HEG1: variants seen among roughly 807,000 people sequenced by gnomAD.
The protein encoded by HEG1 is protein HEG homolog 1.
Under a neutral mutation model 125.6 loss-of-function variants are expected in HEG1, and 56 were observed. That is an observed-to-expected ratio of 0.45 (90% CI 0.36 to 0.56). The LOEUF is 0.56. Among genes scored for constraint, HEG1 ranks in the 20% least tolerant of loss-of-function variants. The pLI, the probability that HEG1 is intolerant of heterozygous loss-of-function variation, is 0.00. For synonymous variants in HEG1, 644 were observed against 668.5 expected, an observed-to-expected ratio of 0.96 and a Z score of 0.57; for missense variants, 1,523 against 1,670.0, an observed-to-expected ratio of 0.91 and a Z score of 1.53.
chr3:124,986,496 G>A (rs1178478232), intron 14 of HEG1, among the ~76,000 whole-genome samples: 3 of 152,154 alleles, frequency 2.0e-5, no homozygotes, highest in African/African-American at 4.8e-5. Flanking sequence ...CCAGGTCTTG[G>A]CCCAGACCTC....
chr3:125,054,880 G>C (rs1560039188), intron 1 of HEG1, among the ~76,000 whole-genome samples: 1 of 152,194 alleles, frequency 6.6e-6, no homozygotes, highest in Non-Finnish European at 1.5e-5. Flanking sequence ...TCATAAGAAA[G>C]AACTGGACAC....
intron 11 of HEG1, among the ~76,000 whole-genome samples, 177 bp downstream of exon 11, chr3:125,001,675 A>C (rs187594485): frequency 1.3e-5 from 2 of 152,290 alleles, no homozygotes; most frequent in Admixed American, 1.3e-4. Flanking sequence ...ATGTTTGTAC[A>C]TGCATGCACA....
intron 5 of HEG1, among the ~76,000 whole-genome samples, chr3:125,018,329 G>A (rs2107703010): frequency 1.3e-5 from 2 of 152,268 alleles, no homozygotes; most frequent in East Asian, 3.9e-4. Context: ...CAAATCTACA[G>A]AGACAGAAAG....
At position 125,013,721 on chromosome 3, in the gene HEG1, G is replaced by C; in HGVS notation, c.1858C>G (p.Gln620Glu). The C allele has an allele frequency of 6.2e-7, 1 of 1,614,034 alleles. No individual in the cohort carries two copies. The highest frequency in any genetic ancestry group is 8.5e-7 in the Non-Finnish European group (1 of 1,179,900). The change falls in exon 6 of 17, where the codon CAG becomes GAG. Residue 620 changes from glutamine (Q) to glutamate (E), a missense_variant. Physicochemically the swap from Gln to Glu is conservative, Grantham distance 29. Coordinates refer to ENST00000311127, the MANE Select transcript of HEG1 (RefSeq NM_020733.2). ...AGAACTGGCGACTCAGTAGAAGGCTGAGCATATTCCCCGTCATAGGATGAG... is the reference window on the plus strand; with the variant it reads ...AGAACTGGCGACTCAGTAGAAGGCTCAGCATATTCCCCGTCATAGGATGAG... ...NISSYDGEYAQPSTESPVLHT... is the reference protein window; with the variant it reads ...NISSYDGEYAEPSTESPVLHT...
chr3:124,973,581 T>C, intron 16 of HEG1, 150 bp downstream of exon 16: 1 of 572,104 alleles, frequency 1.7e-6, no homozygotes, highest in Non-Finnish European at 3.0e-6. Flanking sequence ...GCAAATAGAC[T>C]GTAGGTAAAC....
intron 1 of HEG1, among the ~76,000 whole-genome samples, chr3:125,031,925 A>G (rs1017735149): frequency 2.6e-5 from 4 of 152,198 alleles, no homozygotes; most frequent in South Asian, 2.1e-4. Flanking sequence ...TGTACACTTT[A>G]AATTTTCTAG....
At position 124,998,250 on chromosome 3, in the gene HEG1, C is replaced by T. The variant is rs145581679; in HGVS notation, c.3518-427G>A. Among the ~76,000 whole-genome samples, 13 of 152,324 alleles carry T rather than the reference C, an allele frequency of 8.5e-5. No homozygotes were observed. The East Asian group carries it at 2.5e-3, about 29-fold the overall frequency. On this transcript the variant is annotated intron_variant, in intron 11 of 16. Transcript: ENST00000311127. ...AGGAAGCCGAGACTTGGACTAAGAA[C>T]AGGAGTGCAGGCCAGACCTGTTTCA... is the stretch of plus-strand genomic sequence containing the variant.
chr3:124,988,384 T>C (rs1936777518), intron 14 of HEG1, among the ~76,000 whole-genome samples: 1 of 152,216 alleles, frequency 6.6e-6, no homozygotes, highest in Admixed American at 6.5e-5. Context: ...CTGTTCAGCA[T>C]TGACACCTAA....
chr3:125,020,819 A>T lies in HEG1; in HGVS notation c.1225T>A (p.Ser409Thr), dbSNP rs1260508903. 6.2e-7 allele frequency: 1 copy of T among 1,613,788 alleles called. No individual in the cohort carries two copies. The highest frequency in any genetic ancestry group is 8.5e-7 in the Non-Finnish European group (1 of 1,179,706). The change falls in exon 4 of 17, where the codon TCT (serine) becomes ACT (threonine). Residue 409 changes from serine (S) to threonine (T), a missense_variant. Transcript: ENST00000311127. ...GGGGAATCATTTTGCCAACGCAAAG[A>T]CGTAAGTCCAAATTCATTTTCTGTG... Reference protein sequence around the residue: ...PSTENEFGLTSLRWQNDSPTF... With the variant: ...PSTENEFGLTTLRWQNDSPTF...
At chr3:125,048,602 A>C (rs1400665573) in intron 1 of HEG1, among the ~76,000 whole-genome samples, 2 of 152,234 alleles carry the variant, frequency 1.3e-5, no homozygotes, top group African/African-American at 4.8e-5. Flanking sequence ...AGAAGGTGAG[A>C]GAGGTGGCCA....
In HEG1 at chr3:125,002,018, G is replaced by T. The variant is rs1386838360; in HGVS notation, c.3357-6C>A. 6.2e-7 allele frequency: 1 copy of T among 1,613,800 alleles called. No homozygotes were observed. Among genetic ancestry groups the T allele is most frequent in the Non-Finnish European group, 8.5e-7 (1 of 1,179,828 alleles). ...TCACCACCGCGTTGGACTCCCTATA[G>T]GCAAAGTTTGTGGGTTTTTAACAGC... On this transcript the variant is annotated splice_region_variant and splice_polypyrimidine_tract_variant and intron_variant, in intron 10 of 16. Transcript: ENST00000311127.
chr3:124,971,791 T>TTTC (rs1231546317), intron 16 of HEG1, among the ~76,000 whole-genome samples: 2 of 145,258 alleles, frequency 1.4e-5, no homozygotes, highest in Non-Finnish European at 3.0e-5. Flanking sequence ...CGCCCGGCCT[T>TTTC]TTTTTTTTTT....
At chr3:125,025,276 C>A (rs747324209) in intron 3 of HEG1, among the ~76,000 whole-genome samples, 10 of 152,168 alleles carry the variant, frequency 6.6e-5, no homozygotes, top group Non-Finnish European at 1.2e-4. Flanking sequence ...TGCATCCCCA[C>A]GGGGAGGAGG....
At chr3:125,034,425 T>C (rs867189964) in intron 1 of HEG1, among the ~76,000 whole-genome samples, 21 of 115,394 alleles carry the variant, frequency 1.8e-4, no homozygotes, top group Admixed American at 9.4e-4. Context: ...AGATGGAAAT[T>C]CTAGAAATAA....
rs1325167686 is a variant in HEG1, at chr3:125,021,045, G to A, written c.999C>T (p.Thr333=). The A allele has an allele frequency of 3.7e-6, 6 of 1,611,214 alleles. No homozygotes were observed. Among genetic ancestry groups the A allele is most frequent in the African/African-American group, 2.7e-5 (2 of 74,876 alleles). ...TTCTCGGGCCACCATCAGTGAACAC[G>A]GTGGCAACATGCATTGTCTTTGTTT... The part of the protein sequence containing the change: ...VSQTKTMHVA[T]VFTDGGPRTL... The change falls in exon 4 of 17, where the codon ACC becomes ACT. Residue 333 remains threonine (T), a synonymous_variant. Transcript: ENST00000311127.
intron 1 of HEG1, among the ~76,000 whole-genome samples, chr3:125,038,953 C>T (rs1696885577): frequency 6.6e-6 from 1 of 152,176 alleles, no homozygotes; most frequent in Admixed American, 6.5e-5. Context: ...GTGCTGTGCA[C>T]CTCACCCAGG....
chr3:125,002,069 G>C lies in HEG1; in HGVS notation c.3357-57C>G, dbSNP rs570035982. 28 of 1,598,300 alleles carry C rather than the reference G, an allele frequency of 1.8e-5. No homozygotes were observed. The East Asian group carries it at 4.5e-4, about 26-fold the overall frequency. On this transcript the variant is annotated intron_variant, in intron 10 of 16. Transcript: ENST00000311127. ...CCTGAAATGACACGTGGGTCCCAAG[G>C]CTTTTGGAAATGAATGTCATCGCCA...
intron 3 of HEG1, among the ~76,000 whole-genome samples, chr3:125,026,281 C>T (rs1018814707): frequency 2.0e-5 from 3 of 152,136 alleles, no homozygotes; most frequent in African/African-American, 7.2e-5. Context: ...GCACCTTGTT[C>T]TTGGGCGAGG....
intron 14 of HEG1, among the ~76,000 whole-genome samples, chr3:124,979,715 C>T (rs947611159): frequency 2.0e-5 from 3 of 152,090 alleles, no homozygotes; most frequent in African/African-American, 7.2e-5. Context: ...AGGCAGATCA[C>T]GAGGTCAGGA....
Sources: gnomAD v4.1 joint callset for allele counts (sites outside exome capture counted in the v4.1 genomes callset) on GRCh38, gnomAD v4.1.1 for gene constraint, MANE v1.5 for transcripts, NCBI Gene and HGNC (gene_info 2026-07-23, HGNC 2026-07-21) for gene names.